The following ABCG5 variants were observed in gnomAD, a reference collection of about 807,000 sequenced individuals.
ABCG5 encodes ATP binding cassette subfamily G member 5.
In ABCG5, 64 loss-of-function variants were observed where a neutral mutation model predicts 64.5. The ratio of observed to expected loss-of-function variants is 0.99; its 90% CI spans 0.81 to 1.22. The LOEUF is 1.22. Ranked by LOEUF, ABCG5 falls within the 50% of genes most tolerant of loss-of-function variation. ABCG5 has a pLI of 0.00. For synonymous variants in ABCG5, 385 were observed against 326.3 expected (o/e 1.18, Z -1.94); for missense variants, 908 against 829.5 (o/e 1.09, Z -1.16).
chr2:43,811,967 C>T (rs1263388854), downstream of ABCG5, among the ~76,000 whole-genome samples: 1 of 152,174 alleles, frequency 6.6e-6, no homozygotes, highest in African/African-American at 2.4e-5. Flanking sequence ...TGTATTTATA[C>T]ATATCAGCAC....
rs2104751407 is a variant in ABCG5 at position 43,814,540 on chromosome 2, A to C, written c.1699T>G (p.Phe567Val). 6.2e-7 allele frequency: 1 copy of C among 1,609,944 alleles called. No homozygotes were observed. The highest frequency in any genetic ancestry group is 8.5e-7 in the Non-Finnish European group (1 of 1,176,902). Reference sequence around the variant, plus strand: ...AGAATCTCACTGCAATATTTTTGGAATGTAAAATAACTGATGATTTTAAAA... The same window carrying C: ...AGAATCTCACTGCAATATTTTTGGACTGTAAAATAACTGATGATTTTAAAA... ...IPFKIISYFTFQKYCSEILVV... is the reference protein window; with the variant it reads ...IPFKIISYFTVQKYCSEILVV... Residue 567 changes from phenylalanine (F) to valine (V), a missense_variant, in exon 12 of 13, where the codon TTC (phenylalanine) becomes GTC (valine). By Grantham distance (50) the Phe-to-Val change is conservative. Transcript: ENST00000405322.
At chr2:43,826,615 G>T in intron 5 of ABCG5, 94 bp from the exon 6 acceptor site, 1 of 1,572,840 alleles carries the variant, frequency 6.4e-7, no homozygotes, top group Non-Finnish European at 8.7e-7. Flanking sequence ...TATTGAGTTT[G>T]TACCCCATTC....
intron 5 of ABCG5, among the ~76,000 whole-genome samples, chr2:43,827,517 C>G (rs1316075728): frequency 2.6e-5 from 4 of 152,240 alleles, no homozygotes; most frequent in South Asian, 2.1e-4. Context: ...ATGACCAAAC[C>G]TGGCAGAGGA....
downstream of ABCG5, among the ~76,000 whole-genome samples, chr2:43,812,154 G>C (rs4952686): frequency 0.21 from 31,893 of 151,694 alleles, 3,802 homozygotes; most frequent in African/African-American, 0.31. Flanking sequence ...AGGTTTAAGC[G>C]ATCCTTCCAC....
At position 43,813,039 on chromosome 2, in the gene ABCG5, G is replaced by T; in HGVS notation, c.*77C>A. On this transcript the variant is annotated 3_prime_UTR_variant, in exon 13 of 13. Transcript: ENST00000405322. ...TGTCCTGTCAAGAAAGAAATACATG[G>T]CACTCTCATTTCAGACGTTCAGAGC... 1.3e-6 allele frequency: 1 copy of T among 748,810 alleles called. No individual in the cohort carries two copies. Among genetic ancestry groups the T allele is most frequent in the Non-Finnish European group, 2.5e-6 (1 of 403,346 alleles). The allele number at this position is 748,810 out of a possible 1,614,324, so 46.4% of individuals were successfully genotyped here. A position where few individuals can be genotyped will look rare whatever the true frequency, so the allele number is the denominator to read the frequency against.
At chr2:43,806,951 C>G in the ABCG5 span, among the ~76,000 whole-genome samples, 1 of 152,202 alleles carries the variant, frequency 6.6e-6, no homozygotes, top group African/African-American at 2.4e-5. Context: ...CTCTAAACCA[C>G]TTTTATTTGT....
chr2:43,831,920 G>C, intron 3 of ABCG5, 27 bp downstream of exon 3: 3 of 1,547,900 alleles, frequency 1.9e-6, no homozygotes, highest in Non-Finnish European at 8.7e-7. Context: ...CGGGCGGGGG[G>C]GCCAGGGGTG....
At chr2:43,832,413 T>A (rs1668006597) in intron 2 of ABCG5, 2 of 453,136 alleles carry the variant, frequency 4.4e-6, no homozygotes, top group Non-Finnish European at 8.1e-6. Flanking sequence ...ACAAAATACT[T>A]ATAGGTATCA....
chr2:43,838,183 C>T lies in ABCG5; in HGVS notation c.144-228G>A, dbSNP rs1452955751. On this transcript the variant is annotated intron_variant, in intron 1 of 12. Coordinates refer to ENST00000405322, the MANE Select transcript of ABCG5 (RefSeq NM_022436.3). This position sits in a 1 kb window ranked among gnomAD's most constrained non-coding sequence, Gnocchi z 4.2. ...CTGGAGTTGCTCTGAATGTCCTGTC[C>T]GTTTGGCTGCGAGGTGGCTGTCCCT... 10 of 613,504 alleles carry T rather than the reference C, an allele frequency of 1.6e-5. No individual in the cohort carries two copies. Among genetic ancestry groups the T allele is most frequent in the South Asian group, 1.4e-4 (7 of 51,358 alleles). The allele number at this position is 613,504 out of a possible 1,614,324, so 38.0% of individuals were successfully genotyped here.
chr2:43,833,980 G>A (rs1668108033), intron 2 of ABCG5, among the ~76,000 whole-genome samples: 1 of 152,180 alleles, frequency 6.6e-6, no homozygotes, highest in Non-Finnish European at 1.5e-5. Flanking sequence ...GACCGCACCT[G>A]GCCCTTGTTG....
chr2:43,837,466 A>C (rs1668350225), intron 2 of ABCG5, among the ~76,000 whole-genome samples: 1 of 152,182 alleles, frequency 6.6e-6, no homozygotes, highest in Admixed American at 6.5e-5. Flanking sequence ...CATCATAAAA[A>C]AGCACCACTG....
intron 2 of ABCG5, among the ~76,000 whole-genome samples, chr2:43,834,673 C>T (rs962748430): frequency 1.3e-5 from 2 of 152,166 alleles, no homozygotes; most frequent in South Asian, 2.1e-4. Context: ...GAGGCCAAGG[C>T]GGATGGATCA....
chr2:43,814,552 T>C lies in ABCG5; in HGVS notation c.1687A>G (p.Ser563Gly), dbSNP rs1467832847. Residue 563 changes from serine (S) to glycine (G), a missense_variant, in exon 12 of 13, where the codon AGT (serine) becomes GGT (glycine). Coordinates refer to ENST00000405322, the MANE Select transcript of ABCG5 (RefSeq NM_022436.3). The stretch of plus-strand genomic sequence containing the variant: ...CAATATTTTTGGAATGTAAAATAAC[T>C]GATGATTTTAAAAGGAATGGGCATT... ...QEMPIPFKII[S>G]YFTFQKYCSE... 2 of 1,607,270 alleles carry C rather than the reference T, an allele frequency of 1.2e-6. No homozygotes were observed. The highest frequency in any genetic ancestry group is 2.7e-5 in the African/African-American group (2 of 74,738).
rs1394932671 is a variant in ABCG5, at chr2:43,813,383, G to T, written c.1763-74C>A. 10 of 1,065,394 alleles carry T rather than the reference G, an allele frequency of 9.4e-6. 1 individual carries two copies. In the East Asian group the frequency reaches 2.5e-4, roughly 26 times the overall value. 66.0% of individuals were successfully genotyped at this position (1,065,394 alleles called of 1,614,324 possible). A position where few individuals can be genotyped will look rare whatever the true frequency, so the allele number is the denominator to read the frequency against. On this transcript the variant is annotated intron_variant, in intron 12 of 12. Coordinates refer to ENST00000405322, the MANE Select transcript of ABCG5 (RefSeq NM_022436.3). Reference sequence around the variant, plus strand: ...TTTAATCAACAAGTATTTACCAAGCGCTTGCTAAGTACCCTTAATGAAAAA... The same window carrying T: ...TTTAATCAACAAGTATTTACCAAGCTCTTGCTAAGTACCCTTAATGAAAAA...
At chr2:43,837,793 T>G (rs775209843) in intron 2 of ABCG5, 41 bp downstream of exon 2, 1 of 1,612,528 alleles carries the variant, frequency 6.2e-7, no homozygotes, top group Non-Finnish European at 8.5e-7. Flanking sequence ...GGAGTTTAAC[T>G]CAAGCCAAAT....
intron 4 of ABCG5, among the ~76,000 whole-genome samples, chr2:43,830,498 T>A (rs900069427): frequency 1.3e-5 from 2 of 152,256 alleles, no homozygotes; most frequent in African/African-American, 4.8e-5. Flanking sequence ...CCCGCAGACA[T>A]AGCCTGCTCA....
In ABCG5 at chr2:43,823,966, T is replaced by G. The variant is rs368994670; in HGVS notation, c.1271A>C (p.Tyr424Ser). The G allele has an allele frequency of 2.5e-6, 4 of 1,613,944 alleles. No homozygotes were observed. The African/African-American group carries it at 5.3e-5, about 22-fold the overall frequency. Residue 424 changes from tyrosine to serine, a missense_variant, in exon 9 of 13, where the codon TAC becomes TCC. Physicochemically the swap from Tyr to Ser is moderately radical, Grantham distance 144 (BLOSUM62 -2). Transcript: ENST00000405322. Reference protein sequence around the residue: ...GAIQDRVGLLYQFVGATPYTG... With the variant: ...GAIQDRVGLLSQFVGATPYTG... ...GTACGGGGTGGCGCCCACAAACTGG[T>G]AAAGGAGACCTACGCGGTCCTGGAT... is the stretch of plus-strand genomic sequence containing the variant.
At chr2:43,820,170 CTG>C (rs1237003773) in intron 10 of ABCG5, 70 bp from the exon 11 acceptor site, 1 of 1,527,366 alleles carries the variant, frequency 6.5e-7, no homozygotes, top group Non-Finnish European at 8.9e-7. Flanking sequence ...GCACTTGCCT[CTG>C]TGAATAAATC....
At position 43,825,377 on chromosome 2, in the gene ABCG5, G is replaced by C. The variant is rs1053471028; in HGVS notation, c.775-359C>G. On this transcript the variant is annotated intron_variant, in intron 6 of 12. Coordinates refer to ENST00000405322, the MANE Select transcript of ABCG5 (RefSeq NM_022436.3). The stretch of plus-strand genomic sequence containing the variant: ...CTCGGGCGAGCAGGGGTGGGTCTTA[G>C]TTTGTTTTTTTGTTTTCATTTTAAA... 2.0e-5 allele frequency among the ~76,000 whole-genome samples: 3 copies of C among 152,076 alleles called. No homozygotes were observed. In the South Asian group the frequency reaches 6.2e-4, roughly 31 times the overall value.
Sources: gnomAD v4.1 joint callset for allele counts (sites outside exome capture counted in the v4.1 genomes callset) on GRCh38, gnomAD v4.1.1 for gene constraint, Gnocchi (gnomAD v3.1) non-coding constraint, MANE v1.5 for transcripts, NCBI Gene and HGNC (gene_info 2026-07-23, HGNC 2026-07-21) for gene names.